ABCA13: variants seen among roughly 807,000 people sequenced by gnomAD.
ABCA13 encodes ATP binding cassette subfamily A member 13, also known as ATP-binding cassette sub-family A member 13.
A neutral mutation model predicts 478.7 loss-of-function variants in ABCA13; 476 were observed. That is an observed-to-expected ratio of 0.99 (90% CI 0.92 to 1.07). ABCA13 has a LOEUF of 1.07. Ranked by LOEUF, ABCA13 falls within the 50% of genes least tolerant of loss-of-function variation. The pLI, the probability that ABCA13 is intolerant of heterozygous loss-of-function variation, is 0.00. For synonymous variants in ABCA13, 2,252 were observed against 2,158.9 expected (o/e 1.04, Z -1.20); for missense variants, 6,060 against 5,910.6 (o/e 1.03, Z -0.83).
At chr7:48,495,164 A>AT (rs1247281854) in intron 48 of ABCA13, among the ~76,000 whole-genome samples, 1 of 150,412 alleles carries the variant, frequency 6.6e-6, no homozygotes, top group Non-Finnish European at 1.5e-5. Context: ...AATTTGATGA[A>AT]TTTTCTAAAG....
chr7:48,270,371 A>G (rs564559030), intron 16 of ABCA13, among the ~76,000 whole-genome samples: 7 of 151,882 alleles, frequency 4.6e-5, no homozygotes, highest in Admixed American at 4.6e-4. Context: ...TACTAAAGTA[A>G]TATAAAAACG....
intron 59 of ABCA13, among the ~76,000 whole-genome samples, chr7:48,638,425 G>A (rs1008500555): frequency 8.5e-5 from 13 of 152,152 alleles, no homozygotes; most frequent in African/African-American, 2.9e-4. Flanking sequence ...GTCCCTATAC[G>A]ATCTCGTCTT....
chr7:48,507,830 TTCTTCG>T, intron 49 of ABCA13, 36 bp from the exon 50 acceptor site: 1 of 1,536,140 alleles, frequency 6.5e-7, no homozygotes, highest in Non-Finnish European at 8.8e-7. Context: ...AAGGCTTGTG[TTCTTCG>T]TCAGGTGCCT....
chr7:48,591,364 T>C (rs545405529), intron 57 of ABCA13, among the ~76,000 whole-genome samples: 4 of 152,160 alleles, frequency 2.6e-5, no homozygotes, highest in Admixed American at 6.5e-5. Flanking sequence ...ACCATACTTT[T>C]TAAATTATAA....
rs536925947 is a variant in ABCA13, at chr7:48,406,419, A to C, written c.12070+2540A>C. 1.5e-3 allele frequency among the ~76,000 whole-genome samples: 228 copies of C among 152,342 alleles called. 2 individuals are homozygous for C. The highest frequency in any genetic ancestry group is 1.6e-4 in the Non-Finnish European group (11 of 68,028). ...GGCACAGTTGTATGTGAAAGTGCAC[A>C]GTTCTGTATATACCATGTGTGCGCT... is the stretch of plus-strand genomic sequence containing the variant. On this transcript the variant is annotated intron_variant, in intron 39 of 61. Coordinates refer to ENST00000435803, the MANE Select transcript of ABCA13 (RefSeq NM_152701.5).
intron 51 of ABCA13, among the ~76,000 whole-genome samples, chr7:48,512,981 A>C (rs1470074687): frequency 2.0e-5 from 3 of 152,222 alleles, no homozygotes; most frequent in Non-Finnish European, 4.4e-5. Flanking sequence ...GGTGACATCC[A>C]TGGGAATGCA....
intron 3 of ABCA13, among the ~76,000 whole-genome samples, chr7:48,208,085 GT>G (rs1353924160): frequency 5.3e-5 from 8 of 151,940 alleles, no homozygotes; most frequent in Admixed American, 5.2e-4. Flanking sequence ...TGGAGCCTTT[GT>G]AAAAAATGAG....
chr7:48,580,203 C>T (rs1439047172), intron 55 of ABCA13, 21 bp from the exon 56 acceptor site: 1 of 1,590,670 alleles, frequency 6.3e-7, no homozygotes, highest in African/African-American at 1.3e-5. Flanking sequence ...TGTTCTCAGC[C>T]TGTGCTGCTT....
intron 55 of ABCA13, among the ~76,000 whole-genome samples, chr7:48,547,681 A>G (rs1325410396): frequency 6.6e-6 from 1 of 151,912 alleles, no homozygotes; most frequent in Non-Finnish European, 1.5e-5. Context: ...AGTGAGTACC[A>G]TACTTTGGGT....
At chr7:48,313,304 T>G (rs2128888515) in intron 25 of ABCA13, 73 bp downstream of exon 25, 1 of 1,448,750 alleles carries the variant, frequency 6.9e-7, no homozygotes, top group East Asian at 2.5e-5. Context: ...CTTTTTGCCT[T>G]TATCTTCCCA....
At chr7:48,552,715 T>C (rs2131205675) in intron 55 of ABCA13, among the ~76,000 whole-genome samples, 1 of 151,516 alleles carries the variant, frequency 6.6e-6, no homozygotes, top group East Asian at 1.9e-4. Flanking sequence ...ATAAGGGTTA[T>C]ATATATTTAT....
chr7:48,293,223 A>G (rs1798840200), intron 20 of ABCA13, among the ~76,000 whole-genome samples: 1 of 142,812 alleles, frequency 7.0e-6, no homozygotes, highest in South Asian at 2.3e-4. Context: ...CACTAAATCT[A>G]CCTCAGCTCT....
intron 29 of ABCA13, among the ~76,000 whole-genome samples, chr7:48,343,479 A>G (rs550711971): frequency 6.6e-6 from 1 of 152,120 alleles, no homozygotes; most frequent in African/African-American, 2.4e-5. Context: ...TCAGCCTCTC[A>G]GTTTTTGGCA....
intron 6 of ABCA13, among the ~76,000 whole-genome samples, chr7:48,228,754 T>C (rs1252823899): frequency 6.6e-6 from 1 of 152,238 alleles, no homozygotes; most frequent in Non-Finnish European, 1.5e-5. Flanking sequence ...TTTTGATAGT[T>C]AGTTAGCTTG....
intron 8 of ABCA13, 33 bp from the exon 9 acceptor site, chr7:48,239,208 T>C (rs769029109): frequency 3.7e-6 from 6 of 1,610,750 alleles, no homozygotes; most frequent in Non-Finnish European, 5.1e-6. Flanking sequence ...GAAAGGAGCT[T>C]TATGTCTAAA....
intron 40 of ABCA13, among the ~76,000 whole-genome samples, chr7:48,411,000 T>TTTCTTTCC (rs1818982778): frequency 1.8e-5 from 2 of 108,140 alleles, no homozygotes; most frequent in Admixed American, 2.1e-4. Flanking sequence ...TCTTTCTTTC[T>TTTCTTTCC]TTCTTTCTTT....
intron 58 of ABCA13, among the ~76,000 whole-genome samples, chr7:48,607,225 G>C (rs1585964163): frequency 6.6e-6 from 1 of 152,216 alleles, no homozygotes; most frequent in Admixed American, 6.5e-5. Flanking sequence ...CACAGGAAAA[G>C]CGCAGTATCT....
At chr7:48,569,899 A>G (rs1024667622) in intron 55 of ABCA13, among the ~76,000 whole-genome samples, 1 of 152,106 alleles carries the variant, frequency 6.6e-6, no homozygotes, top group Non-Finnish European at 1.5e-5. Context: ...TTGCTTCTAT[A>G]TACATTTGAG....
intron 1 of ABCA13, among the ~76,000 whole-genome samples, chr7:48,191,394 G>A (rs1797086210): frequency 6.6e-6 from 1 of 152,140 alleles, no homozygotes; most frequent in Non-Finnish European, 1.5e-5. Context: ...TTTCAAAGAC[G>A]GTGATTTATT....
Sources: allele counts gnomAD v4.1 joint callset (sites outside exome capture counted in the v4.1 genomes callset), GRCh38; gene constraint gnomAD v4.1.1; transcripts MANE v1.5; gene names NCBI Gene and HGNC (gene_info 2026-07-23, HGNC 2026-07-21).